Variants in CDH13 observed in about 807,000 individuals in gnomAD.
CDH13 encodes cadherin 13.
In CDH13, 24 loss-of-function variants were observed where a neutral mutation model predicts 63.8. The observed-to-expected ratio is 0.38, with a 90% CI of 0.27 to 0.53. The LOEUF (loss-of-function observed/expected upper bound fraction) is 0.53, where lower values mean the gene tolerates loss of function less well. CDH13 is among the 20% of genes least tolerant of loss of function. The pLI is 0.85. For missense variants in CDH13, 1,049 were observed against 903.1 expected, an observed-to-expected ratio of 1.16 and a Z score of -2.07; for synonymous variants, 503 against 355.3, an observed-to-expected ratio of 1.42 and a Z score of -4.67.
intron 2 of CDH13, among the ~76,000 whole-genome samples, chr16:82,869,371 ACAAGT>A (rs1157885927): frequency 1.3e-5 from 2 of 151,668 alleles, no homozygotes; most frequent in African/African-American, 4.9e-5. Context: ...CTTTTTAAAC[ACAAGT>A]CAAGTGTAGT....
At chr16:83,433,866 C>T (rs915986499) in intron 6 of CDH13, among the ~76,000 whole-genome samples, 3 of 151,770 alleles carry the variant, frequency 2.0e-5, no homozygotes, top group African/African-American at 7.3e-5. Context: ...TTTTTTTTTC[C>T]TCAGTGCAAA....
chr16:82,927,201 G>A (rs373300048), intron 2 of CDH13, among the ~76,000 whole-genome samples: 9 of 152,260 alleles, frequency 5.9e-5, no homozygotes, highest in South Asian at 2.1e-4. Flanking sequence ...GTAGAAATGA[G>A]TGATATTTTA....
chr16:83,753,967 G>A (rs761894222), intron 11 of CDH13, among the ~76,000 whole-genome samples: 1 of 151,630 alleles, frequency 6.6e-6, no homozygotes, highest in African/African-American at 2.4e-5. Context: ...TTTTCTCTGG[G>A]TGCATTTTCT....
chr16:83,035,017 A>G (rs1916720405), intron 3 of CDH13, among the ~76,000 whole-genome samples: 1 of 152,186 alleles, frequency 6.6e-6, no homozygotes, highest in Non-Finnish European at 1.5e-5. Context: ...TCCCACGTCC[A>G]GTAATTTTAT....
intron 5 of CDH13, among the ~76,000 whole-genome samples, chr16:83,282,189 G>T (rs1401036082): frequency 6.6e-6 from 1 of 151,994 alleles, no homozygotes; most frequent in East Asian, 1.9e-4. Flanking sequence ...CATGGCTCAT[G>T]GTACCCCAAA....
intron 1 of CDH13, among the ~76,000 whole-genome samples, chr16:82,785,638 T>G (rs2035967638): frequency 6.6e-6 from 1 of 152,200 alleles, no homozygotes; most frequent in Admixed American, 6.5e-5. Flanking sequence ...TTCTAGAGAT[T>G]TGATAATCAG....
chr16:82,831,494 A>C (rs1400875992), intron 1 of CDH13, among the ~76,000 whole-genome samples: 1 of 152,180 alleles, frequency 6.6e-6, no homozygotes, highest in African/African-American at 2.4e-5. Flanking sequence ...AAATCTTTCA[A>C]GTAATGAGAA....
chr16:82,954,126 A>G (rs897568855), intron 2 of CDH13: 1 of 152,206 alleles, frequency 6.6e-6, no homozygotes, highest in Admixed American at 6.5e-5. Context: ...TGAATGGTAG[A>G]TTGTCTCTGT....
intron 2 of CDH13, among the ~76,000 whole-genome samples, chr16:82,906,849 T>A (rs552527005): frequency 6.6e-6 from 1 of 152,304 alleles, no homozygotes; most frequent in East Asian, 1.9e-4. Context: ...CATTGTCTCA[T>A]GACCTCCTCT....
At chr16:83,088,669 A>C (rs903746305) in intron 3 of CDH13, among the ~76,000 whole-genome samples, 2 of 152,214 alleles carry the variant, frequency 1.3e-5, no homozygotes, top group Admixed American at 1.3e-4. Flanking sequence ...AACTTTTCCA[A>C]AAACATGGGA....
chr16:83,431,681 A>G (rs1269896895), intron 6 of CDH13, among the ~76,000 whole-genome samples: 1 of 152,142 alleles, frequency 6.6e-6, no homozygotes, highest in Non-Finnish European at 1.5e-5. Context: ...AGCAGGAGCA[A>G]AAGAGAGCAA....
chr16:82,657,883 C>A (rs1343005944), intron 1 of CDH13, among the ~76,000 whole-genome samples: 1 of 152,176 alleles, frequency 6.6e-6, no homozygotes, highest in African/African-American at 2.4e-5. Flanking sequence ...TTGTTTCTTA[C>A]TTTCCAATCA....
intron 5 of CDH13, among the ~76,000 whole-genome samples, chr16:83,271,668 A>T (rs891639221): frequency 6.6e-6 from 1 of 152,060 alleles, no homozygotes; most frequent in African/African-American, 2.4e-5. Context: ...CTCAAGGGGA[A>T]GGTAGCACTT....
At chr16:83,369,110 G>C (rs756916700) in intron 6 of CDH13, among the ~76,000 whole-genome samples, 1 of 150,772 alleles carries the variant, frequency 6.6e-6, no homozygotes, top group African/African-American at 2.4e-5. Context: ...CAAACAGTAG[G>C]TCTACTTTTA....
chr16:83,312,055 A>C (rs528067614), intron 5 of CDH13, among the ~76,000 whole-genome samples: 1 of 147,028 alleles, frequency 6.8e-6, no homozygotes, highest in South Asian at 2.3e-4. Flanking sequence ...CTGGGCAATA[A>C]AACTCCATCT....
chr16:83,122,131 A>G (rs935851727), intron 3 of CDH13, among the ~76,000 whole-genome samples: 1 of 152,248 alleles, frequency 6.6e-6, no homozygotes, highest in Non-Finnish European at 1.5e-5. Flanking sequence ...GTGGCATTAA[A>G]TAAGATCAGT....
intron 1 of CDH13, among the ~76,000 whole-genome samples, chr16:82,630,802 A>T (rs1200686686): frequency 2.6e-5 from 4 of 152,210 alleles, no homozygotes. Context: ...CAGTCATATC[A>T]TCTACGTAGC....
At chr16:83,103,414 T>A (rs779336464) in intron 3 of CDH13, among the ~76,000 whole-genome samples, 20 of 150,982 alleles carry the variant, frequency 1.3e-4, no homozygotes, top group Non-Finnish European at 2.2e-4. Flanking sequence ...CCCGGCTGAT[T>A]TTTATATTTT....
At chr16:82,671,069 G>C (rs1048351924) in intron 1 of CDH13, among the ~76,000 whole-genome samples, 1 of 152,134 alleles carries the variant, frequency 6.6e-6, no homozygotes, top group Non-Finnish European at 1.5e-5. Flanking sequence ...CCAGCCTTTC[G>C]TGGGTATTAG....
Sources: gnomAD v4.1 joint callset for allele counts (sites outside exome capture counted in the v4.1 genomes callset) on GRCh38, gnomAD v4.1.1 for gene constraint, MANE v1.5 for transcripts, NCBI Gene and HGNC (gene_info 2026-07-23, HGNC 2026-07-21) for gene names.